The following NEK9 variants were observed in gnomAD, a reference collection of about 807,000 sequenced individuals.
NEK9 encodes the protein NIMA related kinase 9, also known as serine/threonine-protein kinase Nek9.
NEK9 carries 75 observed loss-of-function variants against 123.4 expected under a neutral mutation model. The observed-to-expected ratio is 0.61, with a 90% CI of 0.50 to 0.74. The LOEUF is 0.74. Ranked by LOEUF, NEK9 falls within the 30% of genes least tolerant of loss-of-function variation. The probability of loss-of-function intolerance (pLI) is 0.00; values close to 1 mark genes in which losing one functional copy is unlikely to be tolerated. For synonymous variants in NEK9, 438 were observed against 458.7 expected, an observed-to-expected ratio of 0.95 and a Z score of 0.58; for missense variants, 952 against 1,214.4, an observed-to-expected ratio of 0.78 and a Z score of 3.21.
intron 20 of NEK9, 120 bp downstream of exon 20, chr14:75,088,360 G>T: frequency 2.2e-6 from 2 of 918,750 alleles, no homozygotes; most frequent in Non-Finnish European, 3.4e-6. Flanking sequence ...TGAATAGACA[G>T]TATAATGAGT....
At chr14:75,121,734 C>T (rs73311634) in intron 2 of NEK9, among the ~76,000 whole-genome samples, 2,706 of 152,240 alleles carry the variant, frequency 0.018, 88 homozygotes, top group African/African-American at 0.063. Flanking sequence ...GCCTGTGGTC[C>T]CAGCTAATCA....
intron 11 of NEK9, 144 bp downstream of exon 11, chr14:75,107,199 T>C: frequency 1.3e-6 from 1 of 790,430 alleles, no homozygotes; most frequent in Non-Finnish European, 1.9e-6. Context: ...TTTGGTATGT[T>C]ATTATTAATG....
rs531737929 is a variant in NEK9, at chr14:75,109,652, A to G, written c.1182+33T>C. The G allele has an allele frequency of 5.0e-6, 8 of 1,590,962 alleles. No homozygotes were observed. In the African/African-American group the frequency reaches 1.1e-4, roughly 22 times the overall value. ...GGGCCCAGTAAACAATTAGGCTTAC[A>G]GCACTGTTCCAAAATGCTTAGCGTT... On this transcript the variant is annotated intron_variant, in intron 10 of 21. Transcript: ENST00000238616.
intron 1 of NEK9, among the ~76,000 whole-genome samples, chr14:75,125,063 T>C (rs1431400702): frequency 6.6e-6 from 1 of 151,918 alleles, no homozygotes; most frequent in Non-Finnish European, 1.5e-5. Context: ...CATGAGCCAC[T>C]GTGCCTCGCC....
chr14:75,091,545 A>C, intron 18 of NEK9, 67 bp from the exon 19 acceptor site: 1 of 1,317,054 alleles, frequency 7.6e-7, no homozygotes, highest in Non-Finnish European at 1.0e-6. Flanking sequence ...CCATTTGACA[A>C]CCCTACTTAC....
rs564129395 is a variant in NEK9, at chr14:75,113,647, C to T, written c.874-244G>A. Among the ~76,000 whole-genome samples the T allele has an allele frequency of 6.6e-5, 10 of 152,282 alleles. No homozygotes were observed. The South Asian group carries it at 1.9e-3, about 28-fold the overall frequency. ...AGTGGCTCTTGAACCTCAATATATA[C>T]AGAACAGAAGAATTACCTGAGGTGT... On this transcript the variant is annotated intron_variant, in intron 7 of 21. Transcript: ENST00000238616.
rs779349368 is a variant in NEK9, at chr14:75,091,255, T to C, written c.2442+15A>G. 5.3e-5 allele frequency: 85 copies of C among 1,598,388 alleles called. No individual in the cohort carries two copies. The highest frequency in any genetic ancestry group is 6.9e-5 in the Non-Finnish European group (81 of 1,173,710). On this transcript the variant is annotated intron_variant, in intron 19 of 21. Coordinates refer to ENST00000238616, the MANE Select transcript of NEK9 (RefSeq NM_033116.6). ...CCACATATTTTATCCAAGTTACTTC[T>C]TCCAAAGGAATTACCTTTCGAAGCC...
In NEK9 at chr14:75,103,927, T is replaced by G. The variant is rs1284882486; in HGVS notation, c.1646A>C (p.Gln549Pro). The G allele has an allele frequency of 6.2e-7, 1 of 1,614,194 alleles. No individual in the cohort carries two copies. Among genetic ancestry groups the G allele is most frequent in the East Asian group, 2.2e-5 (1 of 44,888 alleles). The stretch of plus-strand genomic sequence containing the variant: ...TCCACAGGCCAGCACTTTGCCTGAC[T>G]GGGTCAACAGAAATGTCCCATCACA... ...CGCDGTFLLT[Q>P]SGKVLACGLN... The change falls in exon 14 of 22, where the codon CAG becomes CCG. Residue 549 changes from glutamine (Q) to proline (P), a missense_variant. This residue lies in a region of NEK9 where 698 missense variants were observed against 875.6 expected (regional missense o/e 0.80). Transcript: ENST00000238616.
chr14:75,114,829 C>A (rs1293710676), intron 6 of NEK9, among the ~76,000 whole-genome samples: 6 of 151,968 alleles, frequency 3.9e-5, no homozygotes, highest in Non-Finnish European at 5.9e-5. Flanking sequence ...TATTTTTTAG[C>A]CTCACTAACA....
intron 12 of NEK9, 69 bp downstream of exon 12, chr14:75,106,433 A>G: frequency 8.3e-7 from 1 of 1,209,932 alleles, no homozygotes; most frequent in Non-Finnish European, 1.2e-6. Flanking sequence ...TGATGGGTTT[A>G]GATGCATACA....
rs17103025 is a variant in NEK9, at chr14:75,087,293, A to G, written c.2605-63T>C. On this transcript the variant is annotated intron_variant, in intron 20 of 21. Coordinates refer to ENST00000238616, the MANE Select transcript of NEK9 (RefSeq NM_033116.6). ...CAGGTGTCATAGCTCCTCAATCCAA[A>G]CTTCCTCTAAGTGCAATCGGATTTT... 5.0e-3 allele frequency: 6,348 copies of G among 1,280,058 alleles called. 293 individuals are homozygous for G. The Admixed American group carries it at 0.087, about 18-fold the overall frequency. The allele number at this position is 1,280,058 out of a possible 1,614,324, so 79.3% of individuals were successfully genotyped here. A position where few individuals can be genotyped will look rare whatever the true frequency, so the allele number is the denominator to read the frequency against.
intron 4 of NEK9, among the ~76,000 whole-genome samples, chr14:75,119,965 A>G (rs910182906): frequency 6.6e-6 from 1 of 152,216 alleles, no homozygotes; most frequent in African/African-American, 2.4e-5. Flanking sequence ...ATCTTAGTGT[A>G]TTATAATTAA....
chr14:75,112,846 C>A (rs1370389376), intron 8 of NEK9, among the ~76,000 whole-genome samples: 2 of 151,932 alleles, frequency 1.3e-5, no homozygotes, highest in South Asian at 2.1e-4. Flanking sequence ...AACAAAAAAA[C>A]CAAAGGACCA....
rs764265481 is a variant in NEK9, at chr14:75,101,032, C to A, written c.1962G>T (p.Arg654Ser). The A allele has an allele frequency of 6.2e-7, 1 of 1,614,206 alleles. No individual in the cohort carries two copies. The highest frequency in any genetic ancestry group is 8.5e-7 in the Non-Finnish European group (1 of 1,180,028). Residue 654 changes from arginine to serine, a missense_variant, in exon 16 of 22, where the codon AGG becomes AGT. Physicochemically the swap from Arg to Ser is moderately radical, Grantham distance 110 (BLOSUM62 -1). Around this residue, in one of 4 missense-constraint regions of NEK9, gnomAD observed 698 missense variants for 875.6 expected, o/e 0.80. Transcript: ENST00000238616. ...TGGTAAACTCATCACCGCAGGAGAC[C>A]CTGATCACTTGCTTCCCACCAAGGG... ...GGPLGGKQVI[R>S]VSCGDEFTIA... is the part of the protein sequence containing the mutation.
At chr14:75,100,934 C>T (rs1275104694) in intron 16 of NEK9, 58 bp downstream of exon 16, 1 of 1,539,830 alleles carries the variant, frequency 6.5e-7, no homozygotes, top group Non-Finnish European at 8.8e-7. Flanking sequence ...CTTTCCCAGC[C>T]AAGAACTGAA....
chr14:75,116,638 T>G (rs989773390), intron 6 of NEK9: 6 of 191,144 alleles, frequency 3.1e-5, no homozygotes, highest in Non-Finnish European at 6.0e-5. Context: ...TAATTTTAAT[T>G]TTTTTTTGAG....
intron 3 of NEK9, 168 bp from the exon 4 acceptor site, chr14:75,120,748 T>TA (rs1220393269): frequency 1.7e-6 from 1 of 599,480 alleles, no homozygotes; most frequent in Non-Finnish European, 2.9e-6. Context: ...AGTGAAGGGG[T>TA]AAAAAACCAC....
chr14:75,096,017 C>T (rs1237088005), intron 17 of NEK9, among the ~76,000 whole-genome samples: 1 of 152,200 alleles, frequency 6.6e-6, no homozygotes, highest in African/African-American at 2.4e-5. Flanking sequence ...GGTTCAGTGG[C>T]TCATGTCTGT....
chr14:75,119,525 G>A (rs942210777), intron 4 of NEK9, among the ~76,000 whole-genome samples: 1 of 152,190 alleles, frequency 6.6e-6, no homozygotes, highest in Non-Finnish European at 1.5e-5. Flanking sequence ...AGGAAAAGTT[G>A]AGACGGTCAG....
Sources: allele counts gnomAD v4.1 joint callset (sites outside exome capture counted in the v4.1 genomes callset), GRCh38; gene constraint gnomAD v4.1.1; regional missense constraint gnomAD v4.1.1; transcripts MANE v1.5; gene names NCBI Gene and HGNC (gene_info 2026-07-23, HGNC 2026-07-21).